The following ZNF354C variants were observed in gnomAD, a reference collection of about 807,000 sequenced individuals.
ZNF354C encodes zinc finger protein 354C.
In ZNF354C, 7 loss-of-function variants were observed where a neutral mutation model predicts 12.4. That is an observed-to-expected ratio of 0.56 (90% confidence interval 0.32 to 1.06). The LOEUF (loss-of-function observed/expected upper bound fraction) is 1.06, where lower values mean the gene tolerates loss of function less well. Among genes scored for constraint, ZNF354C ranks in the 50% least tolerant of loss-of-function variants. The pLI is 0.04. For missense variants in ZNF354C, 609 were observed against 658.0 expected (o/e 0.93, Z 0.81); for synonymous variants, 202 against 224.5 (o/e 0.90, Z 0.90).
At chr5:179,069,561 C>CAAA (rs761235131) in intron 2 of ZNF354C, among the ~76,000 whole-genome samples, 2,485 of 77,522 alleles carry the variant, frequency 0.032, 75 homozygotes, top group East Asian at 0.077. Context: ...GACTCCATCT[C>CAAA]AAAAAAAAAA....
Position 179,082,049 on chromosome 5 carries a change from T to C in ZNF354C, c.*1952T>C, listed in dbSNP as rs1419147155. On this transcript the variant is annotated 3_prime_UTR_variant, in exon 5 of 5. Transcript: ENST00000315475. ...AAGAATGTCTTCTTTTAAATGTACA[T>C]GGAATGATAGATTTGGAAAAATTAC... 6.6e-6 allele frequency: 1 copy of C among 152,200 alleles called. No individual in the cohort carries two copies. The allele number at this position is 152,200 out of a possible 1,614,324, so 9.4% of individuals were successfully genotyped here.
chr5:179,078,058 C>T (rs1762933787), intron 4 of ZNF354C, among the ~76,000 whole-genome samples: 1 of 152,124 alleles, frequency 6.6e-6, no homozygotes, highest in African/African-American at 2.4e-5. Context: ...CCACCTGCCT[C>T]CCAAAGTGCT....
chr5:179,076,358 T>G, intron 2 of ZNF354C, 87 bp from the exon 3 acceptor site: 2 of 1,577,246 alleles, frequency 1.3e-6, no homozygotes, highest in Non-Finnish European at 1.7e-6. Flanking sequence ...TCCTGAGATT[T>G]TCTGTACATC....
intron 1 of ZNF354C, 104 bp from the exon 2 acceptor site, chr5:179,061,911 G>A: frequency 2.6e-6 from 2 of 774,734 alleles, no homozygotes; most frequent in Admixed American, 3.8e-5. Flanking sequence ...ATTACGGGGG[G>A]TGGCTTTTTT....
chr5:179,076,413 C>T lies in ZNF354C; in HGVS notation c.28-32C>T, dbSNP rs1360285318. ...GCATTTTCCGTTGAAGAAGATGGTC[C>T]TGGGTGAGCAGGTATGGGTTTGCCA... On this transcript the variant is annotated intron_variant, in intron 2 of 4. Transcript: ENST00000315475. 2.5e-6 allele frequency: 4 copies of T among 1,613,664 alleles called. No homozygotes were observed. In the African/African-American group the frequency reaches 4.0e-5, roughly 16 times the overall value.
At chr5:179,069,102 C>T (rs1762001794) in intron 2 of ZNF354C, among the ~76,000 whole-genome samples, 1 of 152,156 alleles carries the variant, frequency 6.6e-6, no homozygotes, top group Non-Finnish European at 1.5e-5. Context: ...TAGAAGGCCC[C>T]CTGCAGCTGT....
rs867456897 is a variant in ZNF354C, at chr5:179,063,401, A to G, written c.27+1306A>G. On this transcript the variant is annotated intron_variant, in intron 2 of 4. Transcript: ENST00000315475. ...ATAGTGAGGCCTTGTCACTATACAA[A>G]ATTAAAAATAAAGTAGCTGGGTGCA... Among the ~76,000 whole-genome samples, 3 of 152,160 alleles carry G rather than the reference A, an allele frequency of 2.0e-5. No individual in the cohort carries two copies. In the South Asian group the frequency reaches 6.2e-4, roughly 31 times the overall value.
chr5:179,064,250 C>CT (rs1165114671), intron 2 of ZNF354C, among the ~76,000 whole-genome samples: 1 of 151,626 alleles, frequency 6.6e-6, no homozygotes, highest in African/African-American at 2.4e-5. Context: ...GTTGTTGTTG[C>CT]TTTTTTTTAG....
intron 4 of ZNF354C, 32 bp downstream of exon 4, chr5:179,077,198 G>A (rs57002947): frequency 0.05 from 77,811 of 1,571,458 alleles, 3,578 homozygotes; most frequent in African/African-American, 0.23. Flanking sequence ...GGGCACAAGG[G>A]GTTCTTTATA....
Position 179,060,822 on chromosome 5 carries a change from TA to T in ZNF354C, c.-55+157del, listed in dbSNP as rs1761878554. Among the ~76,000 whole-genome samples, 1 of 152,158 alleles carries T rather than the reference TA, an allele frequency of 6.6e-6. No homozygotes were observed. The highest frequency in any genetic ancestry group is 2.4e-5 in the African/African-American group (1 of 41,430). On this transcript the variant is annotated intron_variant, in intron 1 of 4. Coordinates refer to ENST00000315475, the MANE Select transcript of ZNF354C (RefSeq NM_014594.3). This position sits in a 1 kb window ranked among gnomAD's most constrained non-coding sequence, Gnocchi z 4.2. The stretch of plus-strand genomic sequence containing the variant: ...AGCGCTCGGGTGCCAGGCACCAGAC[TA>T]GCGCATCGCCCGAACGAACTCCGCG...
chr5:179,063,847 T>G (rs1239677351), intron 2 of ZNF354C, among the ~76,000 whole-genome samples: 1 of 152,236 alleles, frequency 6.6e-6, no homozygotes, highest in Admixed American at 6.5e-5. Flanking sequence ...TGGCACGTAT[T>G]AAGACCTCCA....
At chr5:179,064,504 C>T (rs1761935800) in intron 2 of ZNF354C, among the ~76,000 whole-genome samples, 1 of 151,996 alleles carries the variant, frequency 6.6e-6, no homozygotes, top group Admixed American at 6.6e-5. Context: ...GCAAGCTCCG[C>T]CTCCCGGGTT....
rs1456731297 is a variant in ZNF354C at position 179,060,931 on chromosome 5, C to T, written c.-55+265C>T. Among the ~76,000 whole-genome samples, 19 of 152,164 alleles carry T rather than the reference C, an allele frequency of 1.2e-4. No homozygotes were observed. In the East Asian group the frequency reaches 3.7e-3, roughly 29 times the overall value. Reference sequence around the variant, plus strand: ...CGAGGCAGAGTGGCGAGGTCATTGCCCCAGATGTAACTGGGGCCTGGGGCT... The same window carrying T: ...CGAGGCAGAGTGGCGAGGTCATTGCTCCAGATGTAACTGGGGCCTGGGGCT... On this transcript the variant is annotated intron_variant, in intron 1 of 4. Transcript: ENST00000315475. This position sits in a 1 kb window ranked among gnomAD's most constrained non-coding sequence, Gnocchi z 4.2.
chr5:179,078,210 C>T (rs545714986), intron 4 of ZNF354C, among the ~76,000 whole-genome samples: 18 of 152,214 alleles, frequency 1.2e-4, no homozygotes, highest in African/African-American at 4.1e-4. Context: ...AAAAGATTAT[C>T]GGGCATAGAG....
At chr5:179,068,505 T>C (rs1366668656) in intron 2 of ZNF354C, among the ~76,000 whole-genome samples, 1 of 152,358 alleles carries the variant, frequency 6.6e-6, no homozygotes, top group East Asian at 1.9e-4. Flanking sequence ...TTACATTGTG[T>C]TTTTGTTTTC....
In ZNF354C at chr5:179,079,448, G is replaced by A; in HGVS notation, c.1016G>A (p.Cys339Tyr). The change falls in exon 5 of 5, where the codon TGT (cysteine) becomes TAT (tyrosine). Residue 339 changes from cysteine (C) to tyrosine (Y), a missense_variant. Coordinates refer to ENST00000315475, the MANE Select transcript of ZNF354C (RefSeq NM_014594.3). The surrounding 1 kb of genome is among the most constrained non-coding windows in gnomAD (Gnocchi z 4.2). ...KCGECEKAFN[C>Y]RAKLHRHQRI... The stretch of plus-strand genomic sequence containing the variant: ...GGCGAATGTGAGAAGGCCTTCAACT[G>A]TAGAGCAAAACTTCACAGGCATCAA... 1 of 1,613,528 alleles carries A rather than the reference G, an allele frequency of 6.2e-7. No individual in the cohort carries two copies. The highest frequency in any genetic ancestry group is 8.5e-7 in the Non-Finnish European group (1 of 1,179,892).
In ZNF354C at chr5:179,082,498, CTTAAA is replaced by C. The variant is rs780100154; in HGVS notation, c.*2404_*2408del. On this transcript the variant is annotated 3_prime_UTR_variant, in exon 5 of 5. Transcript: ENST00000315475. The stretch of plus-strand genomic sequence containing the variant: ...TATATATTTATTTTAAAATGGTTTT[CTTAAA>C]TTTATTTTTTTAAACATAACACGAG... 18 of 571,720 alleles carry C rather than the reference CTTAAA, an allele frequency of 3.1e-5. No individual in the cohort carries two copies. The highest frequency in any genetic ancestry group is 2.8e-4 in the Admixed American group (9 of 32,116). 35.4% of individuals were successfully genotyped at this position (571,720 alleles called of 1,614,324 possible).
At chr5:179,062,401 G>A (rs1195639864) in intron 2 of ZNF354C, among the ~76,000 whole-genome samples, 2 of 152,140 alleles carry the variant, frequency 1.3e-5, no homozygotes, top group Admixed American at 1.3e-4. Context: ...AGCAGTCTCT[G>A]TCTTCATAGA....
Position 179,082,847 on chromosome 5 carries a change from G to A in ZNF354C, c.*2750G>A. 8.0e-7 allele frequency: 1 copy of A among 1,254,014 alleles called. No individual in the cohort carries two copies. Among genetic ancestry groups the A allele is most frequent in the East Asian group, 2.3e-5 (1 of 43,016 alleles). The allele number at this position is 1,254,014 out of a possible 1,614,324, so 77.7% of individuals were successfully genotyped here. On this transcript the variant is annotated 3_prime_UTR_variant, in exon 5 of 5. Coordinates refer to ENST00000315475, the MANE Select transcript of ZNF354C (RefSeq NM_014594.3). ...GTCGAGGAGCTGCAACAGCCTTGGG[G>A]CCCTCACAGACTCGCCAAACATTCC...
Sources: allele counts gnomAD v4.1 joint callset (sites outside exome capture counted in the v4.1 genomes callset), GRCh38; gene constraint gnomAD v4.1.1; non-coding constraint Gnocchi (gnomAD v3.1); transcripts MANE v1.5; gene names NCBI Gene and HGNC (gene_info 2026-07-23, HGNC 2026-07-21).